The following SOX5 variants were observed in gnomAD, a reference collection of about 807,000 sequenced individuals.
The protein encoded by SOX5 is SRY-box transcription factor 5, also known as transcription factor SOX-5.
In SOX5, 9 loss-of-function variants were observed where a neutral mutation model predicts 92.0. The ratio of observed to expected loss-of-function variants is 0.10; its 90% CI spans 0.06 to 0.17. SOX5 has a LOEUF of 0.17. SOX5 is among the 10% of genes least tolerant of loss of function. SOX5 has a pLI of 1.00. For missense variants in SOX5, 642 were observed against 944.5 expected, an observed-to-expected ratio of 0.68 and a Z score of 4.20; for synonymous variants, 344 against 336.3, an observed-to-expected ratio of 1.02 and a Z score of -0.25.
chr12:24,111,772 C>T (rs1033648800), intron 4 of SOX5, among the ~76,000 whole-genome samples: 8 of 152,192 alleles, frequency 5.3e-5, no homozygotes, highest in African/African-American at 1.4e-4. Context: ...TGTGATGACT[C>T]ATGAGGCCCT....
intron 1 of SOX5, among the ~76,000 whole-genome samples, chr12:24,370,202 C>T (rs367772781): frequency 7.2e-5 from 11 of 152,206 alleles, no homozygotes; most frequent in Non-Finnish European, 1.0e-4. Context: ...TGGCCGTGCG[C>T]GGTGGCTCAC....
chr12:24,443,151 C>T (rs562747418), intron 1 of SOX5, among the ~76,000 whole-genome samples: 38 of 152,110 alleles, frequency 2.5e-4, no homozygotes, highest in Non-Finnish European at 4.4e-4. Flanking sequence ...GGGGTTTCAC[C>T]GTGTTGCCCA....
At chr12:24,119,190 G>C (rs953405470) in intron 4 of SOX5, among the ~76,000 whole-genome samples, 4 of 152,080 alleles carry the variant, frequency 2.6e-5, no homozygotes, top group Non-Finnish European at 4.4e-5. Context: ...AGAACAGTGA[G>C]TACAGTTTGG....
intron 2 of SOX5, among the ~76,000 whole-genome samples, chr12:23,894,691 T>C (rs2097160629): frequency 6.6e-6 from 1 of 152,076 alleles, no homozygotes; most frequent in South Asian, 2.1e-4. Context: ...TCTTCTTGAT[T>C]TAATTCCACA....
At chr12:23,855,803 C>G (rs1275419605) in intron 2 of SOX5, among the ~76,000 whole-genome samples, 1 of 152,096 alleles carries the variant, frequency 6.6e-6, no homozygotes, top group Admixed American at 6.6e-5. Flanking sequence ...AAGAAAAAGT[C>G]TGTAAAACAT....
intron 4 of SOX5, among the ~76,000 whole-genome samples, chr12:23,964,739 T>G (rs1278097989): frequency 6.6e-6 from 1 of 152,214 alleles, no homozygotes; most frequent in Admixed American, 6.5e-5. Context: ...CAGTAATGAC[T>G]TTATTAGATT....
intron 8 of SOX5, among the ~76,000 whole-genome samples, chr12:23,606,855 G>A (rs1300048181): frequency 6.6e-6 from 1 of 152,090 alleles, no homozygotes; most frequent in Non-Finnish European, 1.5e-5. Flanking sequence ...ATGCTTTTGA[G>A]TTGAAAGGGA....
At chr12:24,540,149 G>A (rs1298304247) in intron 1 of SOX5, among the ~76,000 whole-genome samples, 1 of 152,078 alleles carries the variant, frequency 6.6e-6, no homozygotes, top group Non-Finnish European at 1.5e-5. Context: ...TCTCACGTAA[G>A]GACCTTATCT....
chr12:23,932,254 C>G (rs377369216), intron 1 of SOX5, among the ~76,000 whole-genome samples: 2 of 151,576 alleles, frequency 1.3e-5, no homozygotes, highest in African/African-American at 4.8e-5. Flanking sequence ...TTACATGAAG[C>G]AAGTGGCCTG....
intron 1 of SOX5, among the ~76,000 whole-genome samples, chr12:24,404,154 A>G (rs1201947372): frequency 6.6e-6 from 1 of 152,304 alleles, no homozygotes; most frequent in East Asian, 1.9e-4. Context: ...TGCCTGCAGG[A>G]ACTTTATAGC....
intron 6 of SOX5, among the ~76,000 whole-genome samples, chr12:23,729,590 C>A (rs938151355): frequency 9.9e-5 from 15 of 152,108 alleles, no homozygotes; most frequent in South Asian, 2.1e-4. Flanking sequence ...GAATCAGAAA[C>A]AATGACAGGA....
chr12:23,828,637 C>T (rs1168494389), intron 3 of SOX5, among the ~76,000 whole-genome samples: 1 of 151,642 alleles, frequency 6.6e-6, no homozygotes, highest in Non-Finnish European at 1.5e-5. Flanking sequence ...TAGAAGTGAA[C>T]TCATATATAT....
chr12:24,488,310 A>AG (rs765950681), intron 1 of SOX5, among the ~76,000 whole-genome samples: 7 of 152,194 alleles, frequency 4.6e-5, no homozygotes, highest in Non-Finnish European at 8.8e-5. Flanking sequence ...TCTACAAAGC[A>AG]GGGTGTGGTA....
At chr12:23,658,086 C>T (rs1801580089) in intron 7 of SOX5, among the ~76,000 whole-genome samples, 1 of 152,034 alleles carries the variant, frequency 6.6e-6, no homozygotes, top group African/African-American at 2.4e-5. Context: ...TAATATAGAT[C>T]AGTTATCATC....
chr12:24,349,298 A>C (rs1953755488), intron 2 of SOX5, among the ~76,000 whole-genome samples: 1 of 152,258 alleles, frequency 6.6e-6, no homozygotes, highest in Non-Finnish European at 1.5e-5. Context: ...GAACACAAAA[A>C]GTACCACCTT....
intron 1 of SOX5, among the ~76,000 whole-genome samples, chr12:24,518,525 A>G (rs1220996635): frequency 6.6e-6 from 1 of 152,204 alleles, no homozygotes; most frequent in African/African-American, 2.4e-5. Flanking sequence ...AATCACTTAT[A>G]TCTCAGCCAA....
At chr12:24,405,149 G>A (rs1962630735) in intron 1 of SOX5, among the ~76,000 whole-genome samples, 2 of 152,092 alleles carry the variant, frequency 1.3e-5, no homozygotes, top group Non-Finnish European at 1.5e-5. Flanking sequence ...CCTGTTTGTG[G>A]TACTTTACTA....
At chr12:23,719,852 A>T (rs1045515364) in intron 6 of SOX5, among the ~76,000 whole-genome samples, 2 of 150,234 alleles carry the variant, frequency 1.3e-5, no homozygotes, top group Admixed American at 1.3e-4. Context: ...ATTTCTCCTA[A>T]ATTCTCAGAG....
chr12:23,942,839 G>T (rs1051129426), intron 1 of SOX5, among the ~76,000 whole-genome samples: 11 of 151,922 alleles, frequency 7.2e-5, no homozygotes, highest in African/African-American at 2.7e-4. Context: ...ATATTAAAGT[G>T]GAGCTACACA....
Sources: allele counts gnomAD v4.1 joint callset (sites outside exome capture counted in the v4.1 genomes callset), GRCh38; gene constraint gnomAD v4.1.1; transcripts MANE v1.5; gene names NCBI Gene and HGNC (gene_info 2026-07-23, HGNC 2026-07-21).